Variants in RGS3 observed in about 807,000 individuals in gnomAD.
RGS3 encodes regulator of G protein signaling 3.
RGS3 carries 80 observed loss-of-function variants against 132.6 expected under a neutral mutation model. The ratio of observed to expected loss-of-function variants is 0.60; its 90% CI spans 0.50 to 0.73. The LOEUF (loss-of-function observed/expected upper bound fraction) is 0.73. RGS3 is among the 30% of genes least tolerant of loss of function. RGS3 has a pLI of 0.00. For synonymous variants in RGS3, 598 were observed against 620.6 expected (o/e 0.96, Z 0.54); for missense variants, 1,382 against 1,530.8 (o/e 0.90, Z 1.62).
chr9:113,505,341 G>C, intron 10 of RGS3, 101 bp from the exon 9 acceptor site: 4 of 953,242 alleles, frequency 4.2e-6, no homozygotes, highest in Non-Finnish European at 6.7e-6. Flanking sequence ...CCTTGGAGAG[G>C]AGGGTGGCTC....
At chr9:113,478,971 G>T (rs1830077439) in intron 3 of RGS3, 1 of 162,346 alleles carries the variant, frequency 6.2e-6, no homozygotes, top group South Asian at 1.7e-4. Context: ...AACATTTCAG[G>T]TGTTTCCAGT....
At chr9:113,584,349 C>T in exon 20 of RGS3, 1 of 1,581,340 alleles carries the variant, frequency 6.3e-7, no homozygotes. Context: ...TGCCTTCGCC[C>T]AGCACCCTCA....
At chr9:113,449,795 T>C (rs894206111) in intron 1 of RGS3, among the ~76,000 whole-genome samples, 1 of 152,258 alleles carries the variant, frequency 6.6e-6, no homozygotes, top group Admixed American at 6.5e-5. Context: ...CAGGCTGGAG[T>C]GCAGTGGCTC....
intron 19 of RGS3, chr9:113,541,260 A>G: frequency 2.6e-6 from 4 of 1,563,768 alleles, no homozygotes; most frequent in Admixed American, 3.5e-5. Flanking sequence ...CAGGTCCTGC[A>G]GTCAGGCAGC....
intron 19 of RGS3, among the ~76,000 whole-genome samples, chr9:113,571,617 T>C (rs985171612): frequency 6.6e-6 from 1 of 152,232 alleles, no homozygotes; most frequent in African/African-American, 2.4e-5. Context: ...AGATATGTGT[T>C]TATTGTTGGA....
At chr9:113,533,306 C>T (rs572773721) in intron 18 of RGS3, among the ~76,000 whole-genome samples, 2 of 151,730 alleles carry the variant, frequency 1.3e-5, no homozygotes, top group African/African-American at 4.8e-5. Context: ...TCTCAGCTCA[C>T]TGCAACATCC....
At position 113,522,861 on chromosome 9, in the gene RGS3, G is replaced by A. The variant is rs188909841; in HGVS notation, c.1759-69G>A. 9,273 of 972,474 alleles carry A rather than the reference G, an allele frequency of 9.5e-3. 59 individuals carry two copies. The highest frequency in any genetic ancestry group is 0.012 in the Non-Finnish European group (7,147 of 594,708). 60.2% of individuals were successfully genotyped at this position (972,474 alleles called of 1,614,324 possible). ...AGGCTGTGGCTCCCCACCTTCTCGG[G>A]GAGGTTGTGGCTCTCAGCCTCCAGA... On this transcript the variant is annotated intron_variant, in intron 16 of 24. Coordinates refer to ENST00000350696, the Ensembl canonical transcript of RGS3.
At chr9:113,500,102 G>C (rs565191778) in intron 10 of RGS3, among the ~76,000 whole-genome samples, 2 of 152,156 alleles carry the variant, frequency 1.3e-5, no homozygotes, top group Admixed American at 6.5e-5. Flanking sequence ...GTCCTCCTGC[G>C]TGCTGGATTC....
At chr9:113,453,940 C>G (rs1232919745) in intron 1 of RGS3, among the ~76,000 whole-genome samples, 2 of 152,138 alleles carry the variant, frequency 1.3e-5, no homozygotes, top group African/African-American at 2.4e-5. Flanking sequence ...AAGCCATCCT[C>G]TCATGTAGCT....
intron 19 of RGS3, among the ~76,000 whole-genome samples, chr9:113,553,521 A>G (rs1300744381): frequency 7.3e-6 from 1 of 136,794 alleles, no homozygotes; most frequent in Non-Finnish European, 1.6e-5. Flanking sequence ...TAAATATATT[A>G]TAGAAATATA....
At position 113,508,538 on chromosome 9, in the gene RGS3, C is replaced by T; in HGVS notation, c.1438-3C>T. 5.6e-6 allele frequency: 9 copies of T among 1,612,778 alleles called. No individual in the cohort carries two copies. Among genetic ancestry groups the T allele is most frequent in the Non-Finnish European group, 7.6e-6 (9 of 1,179,980 alleles). On this transcript the variant is annotated splice_polypyrimidine_tract_variant and splice_region_variant and intron_variant, in intron 13 of 24. Coordinates refer to ENST00000350696, the Ensembl canonical transcript of RGS3. ...AGGTGGTTTTCCTGTCTTTCCCTTG[C>T]AGCTGCTCCGGCCTGTGTACCAGGA...
chr9:113,594,082 T>C (rs1835600102), intron 21 of RGS3: 2 of 1,613,062 alleles, frequency 1.2e-6, no homozygotes, highest in East Asian at 4.5e-5. Flanking sequence ...TCCCATTTCC[T>C]GGCTCCTCCT....
chr9:113,533,011 T>C (rs370030646), intron 18 of RGS3, among the ~76,000 whole-genome samples: 294 of 152,256 alleles, frequency 1.9e-3, no homozygotes, highest in African/African-American at 6.7e-3. Context: ...CCTGACCAGG[T>C]GATGAGACCT....
intron 18 of RGS3, among the ~76,000 whole-genome samples, chr9:113,531,312 G>C (rs1242557076): frequency 6.6e-6 from 1 of 152,192 alleles, no homozygotes; most frequent in Non-Finnish European, 1.5e-5. Flanking sequence ...TCTGATGTTG[G>C]CTCCATTAAT....
chr9:113,555,647 A>G (rs2118778853), intron 19 of RGS3, among the ~76,000 whole-genome samples: 1 of 152,094 alleles, frequency 6.6e-6, no homozygotes, highest in East Asian at 1.9e-4. Flanking sequence ...TTGTATTTTT[A>G]GTAGAGACAG....
intron 19 of RGS3, among the ~76,000 whole-genome samples, chr9:113,577,084 A>C (rs1220315877): frequency 6.6e-6 from 1 of 152,140 alleles, no homozygotes; most frequent in Non-Finnish European, 1.5e-5. Context: ...CCTGGATTCA[A>C]GCAATTCTCC....
rs1829515059 is a variant in RGS3 at position 113,463,106 on chromosome 9, C to T, written c.415+905C>T. 6.6e-6 allele frequency among the ~76,000 whole-genome samples: 1 copy of T among 152,210 alleles called. No homozygotes were observed. Among genetic ancestry groups the T allele is most frequent in the Admixed American group, 6.5e-5 (1 of 15,280 alleles). ...TCTCAGAGGCTGTGGGCCTGTCCTG[C>T]TGTCCGATGGCATCAGGCTGTGGGA... On this transcript the variant is annotated intron_variant, in intron 3 of 24. Coordinates refer to ENST00000350696, the Ensembl canonical transcript of RGS3. This position sits in a 1 kb window ranked among gnomAD's most constrained non-coding sequence, Gnocchi z 4.6.
At chr9:113,581,498 G>A (rs1157906180) in intron 19 of RGS3, 1 of 152,248 alleles carries the variant, frequency 6.6e-6, no homozygotes, top group Non-Finnish European at 1.5e-5. Flanking sequence ...CTTAACTTCA[G>A]AATTTCCCTC....
At position 113,552,446 on chromosome 9, in the gene RGS3, A is replaced by G. The variant is rs570321754; in HGVS notation, c.2037+15528A>G. On this transcript the variant is annotated intron_variant, in intron 19 of 24. Transcript: ENST00000350696. Reference sequence around the variant, plus strand: ...ATTCTCCTGCCTCAGCCTCCAGAGTAGCTGGGACTACAGGTGCCCACCACC... The same window carrying G: ...ATTCTCCTGCCTCAGCCTCCAGAGTGGCTGGGACTACAGGTGCCCACCACC... 2.6e-5 allele frequency among the ~76,000 whole-genome samples: 4 copies of G among 152,310 alleles called. No homozygotes were observed. In the South Asian group the frequency reaches 6.2e-4, roughly 24 times the overall value.
Sources: gnomAD v4.1 joint callset for allele counts (sites outside exome capture counted in the v4.1 genomes callset) on GRCh38, gnomAD v4.1.1 for gene constraint, Gnocchi (gnomAD v3.1) non-coding constraint, MANE v1.5 for transcripts, NCBI Gene and HGNC (gene_info 2026-07-23, HGNC 2026-07-21) for gene names.